Variants in ITPR2 observed in about 807,000 individuals in gnomAD.
ITPR2 encodes inositol 1,4,5-trisphosphate-gated calcium channel ITPR2.
ITPR2 carries 207 observed loss-of-function variants against 317.1 expected under a neutral mutation model. The observed-to-expected ratio is 0.65, with a 90% CI of 0.58 to 0.73. ITPR2 has a LOEUF of 0.73. Among genes scored for constraint, ITPR2 ranks in the 30% least tolerant of loss-of-function variants. The pLI, the probability that ITPR2 is intolerant of heterozygous loss-of-function variation, is 0.00. For missense variants in ITPR2, 2,613 were observed against 3,284.0 expected (o/e 0.80, Z 4.99); for synonymous variants, 1,156 against 1,149.1 (o/e 1.01, Z -0.12).
At chr12:26,736,146 G>A (rs180716326) in intron 2 of ITPR2, among the ~76,000 whole-genome samples, 8 of 152,092 alleles carry the variant, frequency 5.3e-5, no homozygotes, top group South Asian at 4.2e-4. Flanking sequence ...TCTTTTTTGC[G>A]GGGTGGGGGG....
intron 2 of ITPR2, among the ~76,000 whole-genome samples, chr12:26,736,381 T>TA (rs963076140): frequency 1.3e-5 from 2 of 152,220 alleles, no homozygotes; most frequent in Admixed American, 6.5e-5. Context: ...TTAGGCAGAT[T>TA]AAAATCTAGA....
At position 26,622,360 on chromosome 12, in the gene ITPR2, C is replaced by A; in HGVS notation, c.3168G>T (p.Thr1056=). The change falls in exon 25 of 57, where the codon ACG becomes ACT. Residue 1056 remains threonine (T), a synonymous_variant. Coordinates refer to ENST00000381340, the MANE Select transcript of ITPR2 (RefSeq NM_002223.4). ...TCAGATGAATGAGGACCCGTAAAAA[C>A]GTCCTGCCTCCTTCATCGTCAAGTT... The part of the protein sequence containing the change: ...PVQLDDEGGR[T]FLRVLIHLIM... 6.2e-7 allele frequency: 1 copy of A among 1,611,178 alleles called. No homozygotes were observed. The highest frequency in any genetic ancestry group is 1.7e-5 in the Admixed American group (1 of 59,362).
chr12:26,622,211 T>C, intron 25 of ITPR2, 29 bp downstream of exon 25: 1 of 1,586,322 alleles, frequency 6.3e-7, no homozygotes, highest in Non-Finnish European at 8.6e-7. Flanking sequence ...GCTTTTGCTG[T>C]GGATGCATTG....
At chr12:26,637,647 T>C (rs991878583) in intron 21 of ITPR2, among the ~76,000 whole-genome samples, 1 of 152,166 alleles carries the variant, frequency 6.6e-6, no homozygotes, top group Admixed American at 6.5e-5. Flanking sequence ...ATTTCAAAAA[T>C]GAAAAGTAGA....
chr12:26,687,110 T>G (rs929971910), intron 10 of ITPR2, among the ~76,000 whole-genome samples: 2 of 152,106 alleles, frequency 1.3e-5, no homozygotes, highest in Non-Finnish European at 2.9e-5. Flanking sequence ...CACCACCTGC[T>G]TGCTCCCCTA....
At chr12:26,708,060 C>T (rs1471231703) in intron 9 of ITPR2, among the ~76,000 whole-genome samples, 3 of 152,024 alleles carry the variant, frequency 2.0e-5, no homozygotes, top group African/African-American at 7.3e-5. Flanking sequence ...ATCATCTCAC[C>T]CCGTTTAAAA....
intron 22 of ITPR2, chr12:26,630,814 T>C (rs759573443): frequency 1.3e-5 from 2 of 152,080 alleles, no homozygotes; most frequent in Non-Finnish European, 2.9e-5. Flanking sequence ...ATGAGTCAGG[T>C]GATGGTAAGC....
rs1565609563 is a variant in ITPR2, at chr12:26,567,982, A to ATATATATATATTATATATAT, written c.4631-6031_4631-6030insATATATATAATATATATATA. Among the ~76,000 whole-genome samples, 96 of 11,476 alleles carry ATATATATATATTATATATAT rather than the reference A, an allele frequency of 8.4e-3. 3 individuals carry two copies. Among genetic ancestry groups the ATATATATATATTATATATAT allele is most frequent in the African/African-American group, 0.021 (80 of 3,876 alleles). The allele number at this position is 11,476 out of a possible 152,430, so 7.5% of individuals were successfully genotyped here. On this transcript the variant is annotated intron_variant, in intron 34 of 56. Coordinates refer to ENST00000381340, the MANE Select transcript of ITPR2 (RefSeq NM_002223.4). ...TATATATATATATTATATATATTAT[A>ATATATATATATTATATATAT]TATATATATATATATTATATATATT...
intron 37 of ITPR2, among the ~76,000 whole-genome samples, chr12:26,524,703 C>T (rs1943763397): frequency 6.6e-6 from 1 of 152,044 alleles, no homozygotes; most frequent in South Asian, 2.1e-4. Flanking sequence ...TATACAAGGG[C>T]TGAAAACAAA....
At chr12:26,562,027 T>C (rs1944834647) in intron 34 of ITPR2, 75 bp from the exon 35 acceptor site, 1 of 1,026,070 alleles carries the variant, frequency 9.7e-7, no homozygotes, top group Admixed American at 3.8e-5. Flanking sequence ...TACAATCTTA[T>C]AAACATAAAA....
At chr12:26,766,073 C>A (rs918933754) in intron 2 of ITPR2, among the ~76,000 whole-genome samples, 1 of 152,082 alleles carries the variant, frequency 6.6e-6, no homozygotes, top group African/African-American at 2.4e-5. Context: ...GTTTCCACTT[C>A]GAGCTATTAT....
intron 49 of ITPR2, among the ~76,000 whole-genome samples, chr12:26,420,435 T>C (rs2136688050): frequency 6.6e-6 from 1 of 152,292 alleles, no homozygotes; most frequent in East Asian, 1.9e-4. Context: ...CACTTTGAAG[T>C]AGATGTAAAA....
At chr12:26,526,643 T>A (rs187494752) in intron 37 of ITPR2, among the ~76,000 whole-genome samples, 57 of 152,040 alleles carry the variant, frequency 3.7e-4, no homozygotes, top group African/African-American at 1.3e-3. Flanking sequence ...AAAAAAAGAT[T>A]GGAGGTTACA....
intron 32 of ITPR2, among the ~76,000 whole-genome samples, chr12:26,594,507 C>G (rs1319381681): frequency 6.6e-6 from 1 of 152,016 alleles, no homozygotes; most frequent in Admixed American, 6.6e-5. Context: ...ATGGACTTCA[C>G]TAATCTTTCT....
chr12:26,494,771 GAAAA>G (rs71069245), intron 38 of ITPR2, among the ~76,000 whole-genome samples: 2 of 50,350 alleles, frequency 4.0e-5, no homozygotes, highest in African/African-American at 9.3e-5. Flanking sequence ...CTCTGCCTCA[GAAAA>G]AAAAAAAAAA....
At chr12:26,399,400 TG>T (rs1940099793) in intron 53 of ITPR2, among the ~76,000 whole-genome samples, 2 of 152,222 alleles carry the variant, frequency 1.3e-5, no homozygotes, top group South Asian at 4.1e-4. Flanking sequence ...AGTCAGTGAT[TG>T]GGGAGCTAAG....
chr12:26,733,645 T>G (rs957603798), intron 2 of ITPR2, among the ~76,000 whole-genome samples: 2 of 152,220 alleles, frequency 1.3e-5, no homozygotes, highest in Non-Finnish European at 2.9e-5. Context: ...AATGAAGCTT[T>G]ATCCTTTGCC....
chr12:26,637,463 G>A (rs1460139738), intron 21 of ITPR2, among the ~76,000 whole-genome samples: 2 of 152,080 alleles, frequency 1.3e-5, no homozygotes, highest in African/African-American at 2.4e-5. Context: ...GGTTTTGAAC[G>A]AAGTGAAAGA....
intron 37 of ITPR2, among the ~76,000 whole-genome samples, chr12:26,507,395 T>C (rs1044257704): frequency 4.6e-5 from 7 of 152,348 alleles, no homozygotes; most frequent in African/African-American, 1.4e-4. Flanking sequence ...AGACTTATTA[T>C]GGTCTTATGA....
Sources: gnomAD v4.1 joint callset for allele counts (sites outside exome capture counted in the v4.1 genomes callset) on GRCh38, gnomAD v4.1.1 for gene constraint, MANE v1.5 for transcripts, NCBI Gene and HGNC (gene_info 2026-07-23, HGNC 2026-07-21) for gene names.